Variants in ADGRA2 observed in about 807,000 individuals in gnomAD.
ADGRA2 encodes G-protein coupled receptor 124.
ADGRA2 carries 61 observed loss-of-function variants against 98.7 expected under a neutral mutation model. The ratio of observed to expected loss-of-function variants is 0.62; its 90% confidence interval spans 0.50 to 0.76. The LOEUF is 0.76. Among genes scored for constraint, ADGRA2 ranks in the 30% least tolerant of loss-of-function variants. The probability of loss-of-function intolerance (pLI) is 0.00; values close to 1 mark genes in which losing one functional copy is unlikely to be tolerated. For synonymous variants in ADGRA2, 858 were observed against 831.5 expected (o/e 1.03, Z -0.55); for missense variants, 1,712 against 1,860.0 (o/e 0.92, Z 1.46).
At chr8:37,809,105 G>A (rs1258042534) in intron 1 of ADGRA2, among the ~76,000 whole-genome samples, 8 of 152,146 alleles carry the variant, frequency 5.3e-5, no homozygotes, top group Non-Finnish European at 2.9e-5. Flanking sequence ...TTATAGGCAT[G>A]AGCCACCGCA....
intron 2 of ADGRA2, among the ~76,000 whole-genome samples, chr8:37,825,676 A>T (rs1379781786): frequency 1.3e-5 from 2 of 152,192 alleles, no homozygotes; most frequent in Non-Finnish European, 2.9e-5. Flanking sequence ...AAGAAAAAAA[A>T]GGCTCAAAAC....
Position 37,838,957 on chromosome 8 carries a change from A to T in ADGRA2, c.2261A>T (p.Glu754Val), listed in dbSNP as rs755243275. ...GTCCTCCTTCCTGCCCTTTCCCAGG[A>T]GCTGAGCGCCTTTCCCAGGGAGGTG... ...QHLGNVAVLMELSAFPREVGG... is the reference protein window; with the variant it reads ...QHLGNVAVLMVLSAFPREVGG... Residue 754 changes from glutamate (E) to valine (V), a missense_variant and splice_region_variant, in exon 15 of 19, where the codon GAG becomes GTG. Glu to Val is a moderately radical substitution (Grantham distance 121, BLOSUM62 -2). Transcript: ENST00000412232. 1 of 1,564,264 alleles carries T rather than the reference A, an allele frequency of 6.4e-7. No individual in the cohort carries two copies. The highest frequency in any genetic ancestry group is 1.2e-5 in the South Asian group (1 of 82,314).
rs1460889034 is a variant in ADGRA2, at chr8:37,839,520, A to G, written c.2409A>G (p.Lys803=). 6 of 1,614,168 alleles carry G rather than the reference A, an allele frequency of 3.7e-6. No individual in the cohort carries two copies. The highest frequency in any genetic ancestry group is 3.4e-6 in the Non-Finnish European group (4 of 1,180,018). Residue 803 remains lysine (K), a synonymous_variant, in exon 16 of 19, where the codon AAA becomes AAG. Coordinates refer to ENST00000412232, the MANE Select transcript of ADGRA2 (RefSeq NM_032777.10). ...LNHSSIRVSR[K]GWHMLLNLCF... ...GCAGCTCCATCCGTGTGTCCCGGAA[A>G]GGCTGGCACATGCTGCTGAACTTGT...
At chr8:37,837,397 T>TC (rs1805650759) in intron 13 of ADGRA2, among the ~76,000 whole-genome samples, 1 of 151,012 alleles carries the variant, frequency 6.6e-6, no homozygotes, top group African/African-American at 2.4e-5. Flanking sequence ...TGGCTTCTGT[T>TC]CCCTCCATCT....
At chr8:37,818,229 C>T (rs1215528672) in intron 2 of ADGRA2, among the ~76,000 whole-genome samples, 1 of 152,186 alleles carries the variant, frequency 6.6e-6, no homozygotes, top group Non-Finnish European at 1.5e-5. Flanking sequence ...CCCTGCCCCT[C>T]TCAGGCTGGC....
chr8:37,797,453 C>T lies in ADGRA2; in HGVS notation c.185C>T (p.Ala62Val). The T allele has an allele frequency of 2.8e-6, 4 of 1,417,130 alleles. No homozygotes were observed. Among genetic ancestry groups the T allele is most frequent in the Non-Finnish European group, 3.7e-6 (4 of 1,084,708 alleles). The allele number at this position is 1,417,130 out of a possible 1,614,324, so 87.8% of individuals were successfully genotyped here. The change falls in exon 1 of 19, where the codon GCT (alanine) becomes GTT (valine). Residue 62 changes from alanine (A) to valine (V), a missense_variant. Ala to Val is a moderately conservative substitution (Grantham distance 64). Transcript: ENST00000412232. The surrounding 1 kb of genome is among the most constrained non-coding windows in gnomAD (Gnocchi z 5.3). ...CTGAGCGGCGGCGTCCCTGGCCCGG[C>T]TCGGCGGAGGGTGGTGTGCAGCGGC... ...KGLSGGVPGP[A>V]RRRVVCSGGD...
intron 2 of ADGRA2, among the ~76,000 whole-genome samples, chr8:37,821,214 C>T (rs1427899707): frequency 6.6e-6 from 1 of 152,154 alleles, no homozygotes; most frequent in Admixed American, 6.6e-5. Flanking sequence ...CTTCTTTTAC[C>T]TTCCAGTGCC....
At chr8:37,810,043 G>T (rs1804781776) in intron 1 of ADGRA2, among the ~76,000 whole-genome samples, 1 of 152,188 alleles carries the variant, frequency 6.6e-6, no homozygotes, top group Non-Finnish European at 1.5e-5. Flanking sequence ...GCAGAGAATA[G>T]AGTAGTAGGA....
intron 7 of ADGRA2, 134 bp from the exon 8 acceptor site, chr8:37,831,289 G>C (rs1009129195): frequency 1.0e-4 from 77 of 757,206 alleles, no homozygotes; most frequent in Non-Finnish European, 1.5e-4. Context: ...AGAATAAAAG[G>C]AGTGCATACT....
chr8:37,827,304 G>A (rs1299431521), intron 2 of ADGRA2, among the ~76,000 whole-genome samples: 1 of 152,266 alleles, frequency 6.6e-6, no homozygotes, highest in African/African-American at 2.4e-5. Flanking sequence ...AGGCCAGTGA[G>A]CAGGCACCCA....
In ADGRA2 at chr8:37,840,841, C is replaced by G; in HGVS notation, c.2739C>G (p.His913Gln). The change falls in exon 18 of 19, where the codon CAC becomes CAG. Residue 913 changes from histidine to glutamine, a missense_variant. His to Gln is a conservative substitution (Grantham distance 24, BLOSUM62 0). Coordinates refer to ENST00000412232, the MANE Select transcript of ADGRA2 (RefSeq NM_032777.10). The stretch of plus-strand genomic sequence containing the variant: ...TCAACATCCACAACTACCGGGACCA[C>G]AGCCCCTAGTGAGCACCCCTCCCTC... ...AAVNIHNYRDHSPYCWLVWRP... is the reference protein window; with the variant it reads ...AAVNIHNYRDQSPYCWLVWRP... 1 of 1,594,836 alleles carries G rather than the reference C, an allele frequency of 6.3e-7. No individual in the cohort carries two copies. The highest frequency in any genetic ancestry group is 8.6e-7 in the Non-Finnish European group (1 of 1,163,748).
In ADGRA2 at chr8:37,835,781, G is replaced by C. The variant is rs1805593295; in HGVS notation, c.2050+11G>C. 1 of 1,579,856 alleles carries C rather than the reference G, an allele frequency of 6.3e-7. No individual in the cohort carries two copies. Among genetic ancestry groups the C allele is most frequent in the Non-Finnish European group, 8.7e-7 (1 of 1,150,192 alleles). ...TCTTCGCAGGAACCAGTAAGGGACT[G>C]AATTCCCCGCCCCGCCCAGGGTGCC... On this transcript the variant is annotated intron_variant, in intron 13 of 18. Transcript: ENST00000412232.
chr8:37,841,611 C>T lies in ADGRA2; in HGVS notation c.3273C>T (p.Ala1091=), dbSNP rs773912844. The T allele has an allele frequency of 2.6e-6, 4 of 1,549,846 alleles. No homozygotes were observed. In the African/African-American group the frequency reaches 4.1e-5, roughly 16 times the overall value. Reference sequence around the variant, plus strand: ...GCTGCCCCCCTGCCTCTCCCGCGGCCCCCCATGCCCCGCCCCGGGCCCTGC... The same window carrying T: ...GCTGCCCCCCTGCCTCTCCCGCGGCTCCCCATGCCCCGCCCCGGGCCCTGC... The part of the protein sequence containing the change: ...RACCPPASPA[A]PHAPPRALPA... Residue 1091 remains alanine (A), a synonymous_variant, in exon 19 of 19, where the codon GCC becomes GCT. Transcript: ENST00000412232. This position sits in a 1 kb window ranked among gnomAD's most constrained non-coding sequence, Gnocchi z 5.0.
At position 37,830,729 on chromosome 8, in the gene ADGRA2, C is replaced by T; in HGVS notation, c.738C>T (p.His246=). The T allele has an allele frequency of 1.2e-6, 2 of 1,604,492 alleles. No individual in the cohort carries two copies. Among genetic ancestry groups the T allele is most frequent in the Non-Finnish European group, 1.7e-6 (2 of 1,175,974 alleles). The part of the protein sequence containing the change: ...QLCCEGALEL[H]THHLIPSLRQ... ...CCACAGAGGGGGCCCTGGAGCTGCA[C>T]ACACACCACCTCATCCCGTCCCTAC... Residue 246 remains histidine, a synonymous_variant, in exon 7 of 19, where the codon CAC becomes CAT. Transcript: ENST00000412232. This position sits in a 1 kb window ranked among gnomAD's most constrained non-coding sequence, Gnocchi z 4.8.
Position 37,833,709 on chromosome 8 carries a change from G to A in ADGRA2, c.1318G>A (p.Ala440Thr). Reference protein sequence around the residue: ...FVLMPINASNALTLAHQLRVY... With the variant: ...FVLMPINASNTLTLAHQLRVY... ...CCAGATGCCCATCAATGCCTCCAAT[G>A]CGCTGACCCTGGCTCACCAGCTGCG... is the stretch of plus-strand genomic sequence containing the variant. The change falls in exon 10 of 19, where the codon GCG (alanine) becomes ACG (threonine). Residue 440 changes from alanine (A) to threonine (T), a missense_variant. Transcript: ENST00000412232. The A allele has an allele frequency of 1.9e-6, 3 of 1,614,194 alleles. No individual in the cohort carries two copies. Among genetic ancestry groups the A allele is most frequent in the Non-Finnish European group, 2.5e-6 (3 of 1,180,028 alleles).
chr8:37,834,185 T>C lies in ADGRA2; in HGVS notation c.1608+57T>C. On this transcript the variant is annotated intron_variant, in intron 11 of 18. Coordinates refer to ENST00000412232, the MANE Select transcript of ADGRA2 (RefSeq NM_032777.10). The surrounding 1 kb of genome is among the most constrained non-coding windows in gnomAD (Gnocchi z 4.2). ...GCATGCAGAGGAGGGAGGCGCTCCC[T>C]CTCAGGCGTGCACCTGCCGTGCCCC... 1.4e-6 allele frequency: 2 copies of C among 1,480,114 alleles called. No homozygotes were observed. Among genetic ancestry groups the C allele is most frequent in the Non-Finnish European group, 1.8e-6 (2 of 1,087,660 alleles). The allele number at this position is 1,480,114 out of a possible 1,614,324, so 91.7% of individuals were successfully genotyped here. A position where few individuals can be genotyped will look rare whatever the true frequency, so the allele number is the denominator to read the frequency against.
chr8:37,836,102 A>G (rs577589180), intron 13 of ADGRA2, among the ~76,000 whole-genome samples: 1 of 136,582 alleles, frequency 7.3e-6, no homozygotes, highest in Admixed American at 7.2e-5. Context: ...CACACACCCC[A>G]CAGGCCCAAT....
At chr8:37,827,301 T>A (rs1014579487) in intron 2 of ADGRA2, among the ~76,000 whole-genome samples, 5 of 152,226 alleles carry the variant, frequency 3.3e-5, no homozygotes, top group Non-Finnish European at 5.9e-5. Context: ...AGAAGGCCAG[T>A]GAGCAGGCAC....
rs1233578438 is a variant in ADGRA2 at position 37,830,467 on chromosome 8, C to T, written c.719-243C>T. On this transcript the variant is annotated intron_variant, in intron 6 of 18. Transcript: ENST00000412232. This position sits in a 1 kb window ranked among gnomAD's most constrained non-coding sequence, Gnocchi z 4.8. ...TGCTTGTTTATGTTTTCATCTGGCC[C>T]CACCTCTTGGGGTAACACGTGTGCT... 1.3e-5 allele frequency among the ~76,000 whole-genome samples: 2 copies of T among 152,196 alleles called. No individual in the cohort carries two copies. The highest frequency in any genetic ancestry group is 1.9e-4 in the East Asian group (1 of 5,194).
Sources: allele counts gnomAD v4.1 joint callset (sites outside exome capture counted in the v4.1 genomes callset), GRCh38; gene constraint gnomAD v4.1.1; non-coding constraint Gnocchi (gnomAD v3.1); transcripts MANE v1.5; gene names NCBI Gene and HGNC (gene_info 2026-07-23, HGNC 2026-07-21).